IGSF11: variants seen among roughly 807,000 people sequenced by gnomAD.
The protein encoded by IGSF11 is CXADR like 1.
Under a neutral mutation model 41.0 loss-of-function variants are expected in IGSF11, and 22 were observed. The observed-to-expected ratio is 0.54, with a 90% CI of 0.38 to 0.77. The LOEUF (loss-of-function observed/expected upper bound fraction) is 0.77, where lower values mean the gene tolerates loss of function less well. Ranked by LOEUF, IGSF11 falls within the 30% of genes least tolerant of loss-of-function variation. The pLI, the probability that IGSF11 is intolerant of heterozygous loss-of-function variation, is 0.00. For missense variants in IGSF11, 444 were observed against 530.8 expected (o/e 0.84, Z 1.61); for synonymous variants, 219 against 201.3 (o/e 1.09, Z -0.74).
At chr3:118,972,888 AAT>A (rs1933605908) in intron 1 of IGSF11, among the ~76,000 whole-genome samples, 1 of 152,200 alleles carries the variant, frequency 6.6e-6, no homozygotes, top group African/African-American at 2.4e-5. Context: ...ACCATAAATG[AAT>A]AGAGTTGGAG....
intron 1 of IGSF11, among the ~76,000 whole-genome samples, chr3:119,138,193 A>G (rs1021732905): frequency 2.0e-5 from 3 of 151,854 alleles, no homozygotes; most frequent in African/African-American, 7.3e-5. Context: ...TTGAGCTACC[A>G]TATGATCCAC....
chr3:118,987,724 G>T (rs1243692727), intron 1 of IGSF11, among the ~76,000 whole-genome samples: 1 of 152,228 alleles, frequency 6.6e-6, no homozygotes, highest in Non-Finnish European at 1.5e-5. Flanking sequence ...GGCTGCCTTG[G>T]CAGGGCTGGA....
intron 4 of IGSF11, among the ~76,000 whole-genome samples, chr3:118,923,918 A>C (rs1276456610): frequency 6.6e-6 from 1 of 152,210 alleles, no homozygotes; most frequent in Non-Finnish European, 1.5e-5. Context: ...AGTGGTATCC[A>C]ACAGGTCTCT....
At chr3:119,054,699 G>T (rs980933250) in intron 1 of IGSF11, among the ~76,000 whole-genome samples, 10 of 152,154 alleles carry the variant, frequency 6.6e-5, no homozygotes, top group African/African-American at 2.4e-4. Context: ...CAGAGGAAAA[G>T]AAGTAATTAT....
chr3:119,034,923 C>A (rs889573452), upstream of IGSF11: 24 of 853,894 alleles, frequency 2.8e-5, no homozygotes, highest in African/African-American at 3.8e-4. Flanking sequence ...CTCGGCTCCT[C>A]GCCGCGCCGC....
At chr3:118,971,186 G>A (rs1933370442) in intron 1 of IGSF11, among the ~76,000 whole-genome samples, 1 of 152,180 alleles carries the variant, frequency 6.6e-6, no homozygotes, top group South Asian at 2.1e-4. Flanking sequence ...GGGCATTTAT[G>A]GCACGCTGTA....
chr3:119,100,776 G>A (rs78016351), intron 1 of IGSF11, among the ~76,000 whole-genome samples: 3,219 of 152,222 alleles, frequency 0.021, 108 homozygotes, highest in African/African-American at 0.074. Flanking sequence ...GATTAGTCAA[G>A]GATAAGTGAT....
intron 1 of IGSF11, among the ~76,000 whole-genome samples, chr3:118,964,496 A>G (rs1344600380): frequency 5.3e-5 from 8 of 152,180 alleles, no homozygotes. Context: ...CACACTTTAC[A>G]GCAAATACAC....
chr3:119,031,742 T>C (rs1229858523), intron 1 of IGSF11, among the ~76,000 whole-genome samples: 1 of 152,242 alleles, frequency 6.6e-6, no homozygotes, highest in African/African-American at 2.4e-5. Flanking sequence ...TTCATGTAGG[T>C]CAAACTACAG....
At chr3:118,924,812 G>A (rs1395123858) in intron 4 of IGSF11, among the ~76,000 whole-genome samples, 1 of 151,880 alleles carries the variant, frequency 6.6e-6, no homozygotes, top group Non-Finnish European at 1.5e-5. Flanking sequence ...TGCCACAGAG[G>A]ACCTTGAGGA....
intron 1 of IGSF11, among the ~76,000 whole-genome samples, chr3:119,004,041 C>G (rs1169332492): frequency 6.6e-6 from 1 of 151,876 alleles, no homozygotes; most frequent in Non-Finnish European, 1.5e-5. Flanking sequence ...AGGAATGGTA[C>G]CAGTTCCTCC....
chr3:119,038,717 G>A (rs1255483849), upstream of IGSF11, among the ~76,000 whole-genome samples: 4 of 151,950 alleles, frequency 2.6e-5, no homozygotes, highest in Non-Finnish European at 4.4e-5. Context: ...CAAATATTCT[G>A]CCAAGTTTCT....
intron 1 of IGSF11, among the ~76,000 whole-genome samples, chr3:118,996,951 T>G (rs1348774768): frequency 1.3e-5 from 2 of 152,138 alleles, no homozygotes; most frequent in Non-Finnish European, 2.9e-5. Context: ...TAATACACTG[T>G]AGACAATAAA....
chr3:119,043,762 C>A (rs751305655), intron 1 of IGSF11, among the ~76,000 whole-genome samples: 2 of 152,120 alleles, frequency 1.3e-5, no homozygotes, highest in Admixed American at 1.3e-4. Flanking sequence ...CAATACCAGA[C>A]GGGAGCCCAG....
intron 1 of IGSF11, among the ~76,000 whole-genome samples, chr3:119,131,144 C>G (rs1198506096): frequency 1.3e-5 from 2 of 152,106 alleles, no homozygotes; most frequent in African/African-American, 2.4e-5. Flanking sequence ...CGCCTCTTCC[C>G]CTCCAAAGGA....
At chr3:119,141,405 A>C (rs1370612791) in intron 1 of IGSF11, among the ~76,000 whole-genome samples, 1 of 151,446 alleles carries the variant, frequency 6.6e-6, no homozygotes, top group Non-Finnish European at 1.5e-5. Flanking sequence ...GAAGGAATGA[A>C]ATAATAAAGA....
At chr3:119,019,493 C>T (rs1445240707) in intron 1 of IGSF11, among the ~76,000 whole-genome samples, 1 of 151,298 alleles carries the variant, frequency 6.6e-6, no homozygotes, top group Non-Finnish European at 1.5e-5. Context: ...CTAGATTTCT[C>T]TTTTCAACAG....
intron 1 of IGSF11, among the ~76,000 whole-genome samples, chr3:118,972,468 C>A (rs1253459419): frequency 6.6e-6 from 1 of 152,164 alleles, no homozygotes; most frequent in African/African-American, 2.4e-5. Context: ...ACTGCAGGTT[C>A]CGTAGGGGCA....
At chr3:119,120,872 T>C (rs759157518) in intron 1 of IGSF11, among the ~76,000 whole-genome samples, 2 of 151,482 alleles carry the variant, frequency 1.3e-5, no homozygotes, top group African/African-American at 4.9e-5. Flanking sequence ...TCAGGCTGCT[T>C]TCTGTTAGAG....
Sources: allele counts gnomAD v4.1 joint callset (sites outside exome capture counted in the v4.1 genomes callset), GRCh38; gene constraint gnomAD v4.1.1; transcripts MANE v1.5; gene names NCBI Gene and HGNC (gene_info 2026-07-23, HGNC 2026-07-21).